The following KIF5A variants were observed in gnomAD, a reference collection of about 807,000 sequenced individuals.
The protein encoded by KIF5A is kinesin family member 5A, also known as kinesin heavy chain isoform 5A.
KIF5A carries 35 observed loss-of-function variants against 141.3 expected under a neutral mutation model. That is an observed-to-expected ratio of 0.25 (90% CI 0.19 to 0.33). KIF5A has a LOEUF of 0.33. Among genes scored for constraint, KIF5A ranks in the 10% least tolerant of loss-of-function variants. The pLI, the probability that KIF5A is intolerant of heterozygous loss-of-function variation, is 1.00. For synonymous variants in KIF5A, 448 were observed against 500.2 expected (o/e 0.90, Z 1.39); for missense variants, 861 against 1,314.3 (o/e 0.66, Z 5.33).
At position 57,576,821 on chromosome 12, in the gene KIF5A, G is replaced by T; in HGVS notation, c.2259G>T (p.Lys753Asn). The change falls in exon 20 of 29, where the codon AAG (lysine) becomes AAT (asparagine). Residue 753 changes from lysine to asparagine, a missense_variant. Lys to Asn is a moderately conservative substitution (Grantham distance 94, BLOSUM62 0). Transcript: ENST00000455537. Reference sequence around the variant, plus strand: ...TTCAGGCTGACTACGAGAAGCTGAAGAGCGAAGAACACGAGAAGAGCACCA... The same window carrying T: ...TTCAGGCTGACTACGAGAAGCTGAATAGCGAAGAACACGAGAAGAGCACCA... ...EKLQADYEKLKSEEHEKSTKL... is the reference protein window; with the variant it reads ...EKLQADYEKLNSEEHEKSTKL... The T allele has an allele frequency of 1.2e-6, 2 of 1,613,898 alleles. No homozygotes were observed. Among genetic ancestry groups the T allele is most frequent in the South Asian group, 2.2e-5 (2 of 91,014 alleles).
At chr12:57,575,571 G>A in intron 16 of KIF5A, 69 bp from the exon 17 acceptor site, 1 of 1,290,826 alleles carries the variant, frequency 7.7e-7, no homozygotes, top group Non-Finnish European at 1.1e-6. Flanking sequence ...GCTGGAGTTG[G>A]AGATCTGTGT....
At chr12:57,567,053 TA>T in intron 6 of KIF5A, 72 bp from the exon 7 acceptor site, 1 of 787,856 alleles carries the variant, frequency 1.3e-6, no homozygotes, top group Non-Finnish European at 1.9e-6. Flanking sequence ...AAAATAATAA[TA>T]ATAAAAATAA....
At chr12:57,570,425 G>A (rs1321891189) in intron 12 of KIF5A, among the ~76,000 whole-genome samples, 2 of 152,106 alleles carry the variant, frequency 1.3e-5, no homozygotes, top group South Asian at 2.1e-4. Flanking sequence ...TTGAGACAGG[G>A]TCTTGCTGTG....
intron 1 of KIF5A, among the ~76,000 whole-genome samples, chr12:57,561,090 A>T (rs1370342803): frequency 6.6e-6 from 1 of 152,110 alleles, no homozygotes; most frequent in Non-Finnish European, 1.5e-5. Context: ...CCCAGGCTGG[A>T]GTGCAGTGGC....
chr12:57,564,317 G>T (rs1881998975), intron 4 of KIF5A, 105 bp downstream of exon 4: 2 of 1,083,962 alleles, frequency 1.8e-6, no homozygotes, highest in Non-Finnish European at 2.9e-6. Flanking sequence ...TCCCTTTCCG[G>T]TTACCAGAGT....
intron 1 of KIF5A, among the ~76,000 whole-genome samples, chr12:57,560,774 G>C (rs575815319): frequency 7.9e-5 from 12 of 152,228 alleles, no homozygotes; most frequent in South Asian, 2.1e-4. Context: ...GGCTGAGGTG[G>C]GTGGATTGCT....
At position 57,581,022 on chromosome 12, in the gene KIF5A, G is replaced by T; in HGVS notation, c.2605G>T (p.Ala869Ser). The T allele has an allele frequency of 6.2e-7, 1 of 1,614,122 alleles. No homozygotes were observed. Among genetic ancestry groups the T allele is most frequent in the Non-Finnish European group, 8.5e-7 (1 of 1,180,034 alleles). The change falls in exon 24 of 29, where the codon GCT becomes TCT. Residue 869 changes from alanine (A) to serine (S), a missense_variant. Around this residue, in one of 5 missense-constraint regions of KIF5A, gnomAD observed 482 missense variants for 661.3 expected, o/e 0.73. Transcript: ENST00000455537. The part of the protein sequence containing the change: ...PKLEKRLRAT[A>S]ERVKALEGAL... The stretch of plus-strand genomic sequence containing the variant: ...ATTGGAAAAACGACTTAGGGCTACG[G>T]CTGAGAGAGTTAAGGCCCTGGAGGG...
At position 57,578,275 on chromosome 12, in the gene KIF5A, A is replaced by G; in HGVS notation, c.2471A>G (p.His824Arg). 6.2e-7 allele frequency: 1 copy of G among 1,613,706 alleles called. No homozygotes were observed. The highest frequency in any genetic ancestry group is 1.1e-5 in the South Asian group (1 of 91,046). ...GAGCCCGAAGACAGTGGGGGGATTC[A>G]CTCCCAAAAGCAGAAGATTTCCTTT... ...EMEPEDSGGI[H>R]SQKQKISFLE... is the part of the protein sequence containing the mutation. The change falls in exon 23 of 29, where the codon CAC (histidine) becomes CGC (arginine). Residue 824 changes from histidine (H) to arginine (R), a missense_variant. His to Arg is a conservative substitution (Grantham distance 29). This residue lies in a region of KIF5A where 482 missense variants were observed against 661.3 expected (regional missense o/e 0.73). Coordinates refer to ENST00000455537, the MANE Select transcript of KIF5A (RefSeq NM_004984.4).
At chr12:57,558,064 CT>C (rs972082521) in intron 1 of KIF5A, among the ~76,000 whole-genome samples, 5 of 152,060 alleles carry the variant, frequency 3.3e-5, no homozygotes, top group Non-Finnish European at 4.4e-5. Flanking sequence ...ACATGCATAC[CT>C]TTTTTTACAC....
chr12:57,586,134 G>A lies in KIF5A; in HGVS notation c.*1953G>A, dbSNP rs1006691282. 6.6e-6 allele frequency: 1 copy of A among 152,138 alleles called. No individual in the cohort carries two copies. The highest frequency in any genetic ancestry group is 2.4e-5 in the African/African-American group (1 of 41,410). The allele number at this position is 152,138 out of a possible 1,614,324, so 9.4% of individuals were successfully genotyped here. A position where few individuals can be genotyped will look rare whatever the true frequency, so the allele number is the denominator to read the frequency against. ...AAGAGGGCAACGGTGGGGTAGACAAGCCATGCTGTCTCCAGACCCACTAGG... is the reference window on the plus strand; with the variant it reads ...AAGAGGGCAACGGTGGGGTAGACAAACCATGCTGTCTCCAGACCCACTAGG... On this transcript the variant is annotated 3_prime_UTR_variant, in exon 29 of 29. Transcript: ENST00000455537.
chr12:57,564,637 C>G, intron 5 of KIF5A, 129 bp downstream of exon 5: 1 of 878,246 alleles, frequency 1.1e-6, no homozygotes, highest in Non-Finnish European at 1.9e-6. Context: ...GTCTTTTGGC[C>G]CCGTTTACCA....
At chr12:57,553,919 A>G (rs918094534) in intron 1 of KIF5A, among the ~76,000 whole-genome samples, 3 of 151,604 alleles carry the variant, frequency 2.0e-5, no homozygotes, top group African/African-American at 7.3e-5. Context: ...AGGAGGAGGG[A>G]CTCTGTGACT....
Position 57,578,252 on chromosome 12 carries a change from G to A in KIF5A, c.2448G>A (p.Glu816=), listed in dbSNP as rs1882487063. 4 of 1,613,934 alleles carry A rather than the reference G, an allele frequency of 2.5e-6. No homozygotes were observed. In the African/African-American group the frequency reaches 5.3e-5, roughly 22 times the overall value. ...TCTGTTCTCAGAGTGCAGAAATGGA[G>A]CCCGAAGACAGTGGGGGGATTCACT... is the stretch of plus-strand genomic sequence containing the variant. ...TTRVKKSAEM[E]PEDSGGIHSQ... is the part of the protein sequence containing the mutation. The change falls in exon 23 of 29, where the codon GAG becomes GAA. Residue 816 remains glutamate (E), a synonymous_variant. Transcript: ENST00000455537.
chr12:57,581,732 G>T (rs1454937218), intron 25 of KIF5A, 138 bp from the exon 26 acceptor site: 14 of 1,207,342 alleles, frequency 1.2e-5, no homozygotes, highest in Non-Finnish European at 1.6e-5. Context: ...CCAGCCTGTG[G>T]CCATGTTTGT....
chr12:57,550,538 T>G lies in KIF5A; in HGVS notation c.129+138T>G. On this transcript the variant is annotated intron_variant, in intron 1 of 28. Coordinates refer to ENST00000455537, the MANE Select transcript of KIF5A (RefSeq NM_004984.4). This position sits in a 1 kb window ranked among gnomAD's most constrained non-coding sequence, Gnocchi z 4.6. ...CCTTCATCCTCTTCCCCGCAGCCCC[T>G]CCTCTCCCCTGCATCAGGATGGCTG... 20 of 835,070 alleles carry G rather than the reference T, an allele frequency of 2.4e-5. No individual in the cohort carries two copies. Among genetic ancestry groups the G allele is most frequent in the Middle Eastern group, 3.8e-4 (1 of 2,654 alleles). The allele number at this position is 835,070 out of a possible 1,614,324, so 51.7% of individuals were successfully genotyped here.
In KIF5A at chr12:57,572,387, C is replaced by A; in HGVS notation, c.1569+120C>A. 1.6e-6 allele frequency: 2 copies of A among 1,251,134 alleles called. No individual in the cohort carries two copies. Among genetic ancestry groups the A allele is most frequent in the Non-Finnish European group, 2.3e-6 (2 of 876,196 alleles). The allele number at this position is 1,251,134 out of a possible 1,614,324, so 77.5% of individuals were successfully genotyped here. A position where few individuals can be genotyped will look rare whatever the true frequency, so the allele number is the denominator to read the frequency against. ...TGCACCTCTGCACTGCTGTTCAGTG[C>A]ATTGTGAGTCCCTCCCCAACCCTGT... On this transcript the variant is annotated intron_variant, in intron 14 of 28. Transcript: ENST00000455537. The surrounding 1 kb of genome is among the most constrained non-coding windows in gnomAD (Gnocchi z 4.2).
chr12:57,578,069 C>T lies in KIF5A; in HGVS notation c.2422C>T (p.Arg808Ter). ...RKLFVQDVTT[R>*]VKKSAEMEPE... Reference sequence around the variant, plus strand: ...GCTGTTCGTTCAAGACGTCACGACTCGAGTCAAGAAAGTGAGTGCTGTCCT... The same window carrying T: ...GCTGTTCGTTCAAGACGTCACGACTTGAGTCAAGAAAGTGAGTGCTGTCCT... The change falls in exon 22 of 29, where the codon CGA (arginine) becomes TGA (stop). Residue 808 changes from arginine to a stop codon, truncating the protein, a stop_gained. Transcript: ENST00000455537. LOFTEE classifies it high-confidence loss of function. The T allele has an allele frequency of 6.2e-7, 1 of 1,614,012 alleles. No homozygotes were observed. Among genetic ancestry groups the T allele is most frequent in the Non-Finnish European group, 8.5e-7 (1 of 1,179,846 alleles).
chr12:57,564,770 A>G (rs984798709), intron 5 of KIF5A, 148 bp from the exon 6 acceptor site: 14 of 814,208 alleles, frequency 1.7e-5, no homozygotes, highest in Non-Finnish European at 2.9e-5. Context: ...GGAGGAACTG[A>G]GCCTTCAGCT....
rs1057520171 is a variant in KIF5A at position 57,581,931 on chromosome 12, C to A, written c.2971C>A (p.Gln991Lys). The A allele has an allele frequency of 1.9e-6, 3 of 1,613,958 alleles. No individual in the cohort carries two copies. In the African/African-American group the frequency reaches 4.0e-5, roughly 22 times the overall value. Residue 991 changes from glutamine (Q) to lysine (K), a missense_variant, in exon 26 of 29, where the codon CAG becomes AAG. By Grantham distance (53) the Gln-to-Lys change is moderately conservative. Transcript: ENST00000455537. ...TTCTGGCGGCCCCTTGGCTTCCTACCAGAAGGCCAACATGGACAATGGTGA... is the reference window on the plus strand; with the variant it reads ...TTCTGGCGGCCCCTTGGCTTCCTACAAGAAGGCCAACATGGACAATGGTGA... ...TSSGGPLASY[Q>K]KANMDNGNAT...
Sources: gnomAD v4.1 joint callset for allele counts (sites outside exome capture counted in the v4.1 genomes callset) on GRCh38, gnomAD v4.1.1 for gene constraint, gnomAD v4.1.1 regional missense constraint, Gnocchi (gnomAD v3.1) non-coding constraint, MANE v1.5 for transcripts, NCBI Gene and HGNC (gene_info 2026-07-23, HGNC 2026-07-21) for gene names.